RYR1: variants seen among roughly 807,000 people sequenced by gnomAD.
The protein encoded by RYR1 is ryanodine receptor 1, also known as central core disease of muscle.
RYR1 carries 342 observed loss-of-function variants against 583.5 expected under a neutral mutation model. That is an observed-to-expected ratio of 0.59 (90% CI 0.54 to 0.64). The LOEUF (loss-of-function observed/expected upper bound fraction) is 0.64. Among genes scored for constraint, RYR1 ranks in the 30% least tolerant of loss-of-function variants. RYR1 has a pLI of 0.00. For missense variants in RYR1, 6,032 were observed against 6,917.2 expected (o/e 0.87, Z 4.54); for synonymous variants, 2,791 against 2,822.5 (o/e 0.99, Z 0.35).
rs1970742860 is a variant in RYR1 at position 38,511,932 on chromosome 19, G to T, written c.9173-140G>T. On this transcript the variant is annotated intron_variant, in intron 61 of 105. Coordinates refer to ENST00000359596, the MANE Select transcript of RYR1 (RefSeq NM_000540.3). The stretch of plus-strand genomic sequence containing the variant: ...ACATTTGGAGGCGCTGTAGGAGTCT[G>T]GGGGGGTGGGGGTGCAGTAGCATTC... The T allele has an allele frequency of 8.0e-6, 8 of 1,004,490 alleles. No individual in the cohort carries two copies. The East Asian group carries it at 1.8e-4, about 23-fold the overall frequency. 62.2% of individuals were successfully genotyped at this position (1,004,490 alleles called of 1,614,324 possible).
At position 38,566,952 on chromosome 19, in the gene RYR1, C is replaced by T. The variant is rs768885593; in HGVS notation, c.13479C>T (p.Pro4493=). Residue 4493 remains proline, a synonymous_variant, in exon 92 of 106, where the codon CCC becomes CCT. Coordinates refer to ENST00000359596, the MANE Select transcript of RYR1 (RefSeq NM_000540.3). ...VEEELPPEPE[P]EPEPELEPEK... is the part of the protein sequence containing the mutation. ...AGGAGCTCCCGCCAGAGCCAGAGCCCGAGCCGGAACCAGAGCTGGAGCCGG... is the reference window on the plus strand; with the variant it reads ...AGGAGCTCCCGCCAGAGCCAGAGCCTGAGCCGGAACCAGAGCTGGAGCCGG... 9.3e-6 allele frequency: 15 copies of T among 1,605,628 alleles called. No individual in the cohort carries two copies. Among genetic ancestry groups the T allele is most frequent in the Middle Eastern group, 1.7e-4 (1 of 6,026 alleles).
At chr19:38,522,118 C>T (rs536112621) in intron 67 of RYR1, among the ~76,000 whole-genome samples, 8 of 152,098 alleles carry the variant, frequency 5.3e-5, no homozygotes, top group African/African-American at 1.9e-4. Context: ...TTCCAGGGAC[C>T]AGAAATGTCC....
In RYR1 at chr19:38,538,050, C is replaced by T. The variant is rs1485345136; in HGVS notation, c.11689+90C>T. The T allele has an allele frequency of 2.5e-5, 30 of 1,220,030 alleles. 1 individual carries two copies. The South Asian group carries it at 3.4e-4, about 14-fold the overall frequency. The allele number at this position is 1,220,030 out of a possible 1,614,324, so 75.6% of individuals were successfully genotyped here. A position where few individuals can be genotyped will look rare whatever the true frequency, so the allele number is the denominator to read the frequency against. ...TGAATTAGTTTCCGCCCCTCCTCCT[C>T]CCCCGGTCAATGATGGCCACTCTCC... On this transcript the variant is annotated intron_variant, in intron 84 of 105. Coordinates refer to ENST00000359596, the MANE Select transcript of RYR1 (RefSeq NM_000540.3).
chr19:38,508,879 G>A (rs1394947635), intron 58 of RYR1, among the ~76,000 whole-genome samples: 1 of 152,124 alleles, frequency 6.6e-6, no homozygotes, highest in Non-Finnish European at 1.5e-5. Context: ...GGTGTTCACA[G>A]GGTCCCTCTG....
intron 20 of RYR1, among the ~76,000 whole-genome samples, chr19:38,463,147 C>T (rs1338285865): frequency 3.2e-5 from 2 of 63,324 alleles, no homozygotes; most frequent in African/African-American, 5.9e-5. Context: ...ATCTGCCCCC[C>T]CCCCCCCCAC....
chr19:38,503,175 C>G (rs1970279634), intron 49 of RYR1, among the ~76,000 whole-genome samples: 1 of 152,284 alleles, frequency 6.6e-6, no homozygotes, highest in African/African-American at 2.4e-5. Context: ...ATTGATGCCT[C>G]TAGCGTTCCC....
intron 11 of RYR1, among the ~76,000 whole-genome samples, chr19:38,450,145 C>T (rs369033235): frequency 1.2e-4 from 18 of 152,252 alleles, no homozygotes; most frequent in South Asian, 8.3e-4. Context: ...GAACAGACTA[C>T]GGTCAGGGGA....
At chr19:38,443,901 A>G (rs1163564674) in intron 5 of RYR1, 105 bp downstream of exon 5, 1 of 1,081,718 alleles carries the variant, frequency 9.2e-7, no homozygotes, top group African/African-American at 1.6e-5. Flanking sequence ...TACCCTGGGG[A>G]CATGAATGGG....
Position 38,561,408 on chromosome 19 carries a change from A to G in RYR1, c.12578A>G (p.Tyr4193Cys). 5 of 1,612,638 alleles carry G rather than the reference A, an allele frequency of 3.1e-6. No homozygotes were observed. Among genetic ancestry groups the G allele is most frequent in the Non-Finnish European group, 4.2e-6 (5 of 1,179,960 alleles). ...MGASRRIERI[Y>C]FEISETNRAQ... The stretch of plus-strand genomic sequence containing the variant: ...GCGTCACGCCGCATCGAGCGCATCT[A>G]CTTCGAGATCTCAGAGACCAACCGC... The change falls in exon 90 of 106, where the codon TAC becomes TGC. Residue 4193 changes from tyrosine (Y) to cysteine (C), a missense_variant. Tyr to Cys is a radical substitution (Grantham distance 194). Around this residue, in one of 11 missense-constraint regions of RYR1, gnomAD observed 753 missense variants for 759.6 expected, o/e 0.99. Coordinates refer to ENST00000359596, the MANE Select transcript of RYR1 (RefSeq NM_000540.3). This position sits in a 1 kb window ranked among gnomAD's most constrained non-coding sequence, Gnocchi z 4.8.
chr19:38,522,568 G>A (rs985476829), intron 67 of RYR1, among the ~76,000 whole-genome samples: 5 of 151,772 alleles, frequency 3.3e-5, no homozygotes, highest in Non-Finnish European at 7.4e-5. Flanking sequence ...AGTGGAGATC[G>A]CATCACTGTA....
intron 49 of RYR1, 145 bp downstream of exon 49, chr19:38,503,115 T>G: frequency 1.3e-6 from 1 of 783,594 alleles, no homozygotes; most frequent in Non-Finnish European, 2.2e-6. Context: ...TAGAAATCTC[T>G]TAGCATCCTT....
At chr19:38,566,310 A>G (rs1396514525) in intron 91 of RYR1, among the ~76,000 whole-genome samples, 1 of 151,620 alleles carries the variant, frequency 6.6e-6, no homozygotes, top group East Asian at 1.9e-4. Context: ...TTAGCCGGGC[A>G]TGGTGGTGTG....
In RYR1 at chr19:38,535,295, C is replaced by T. The variant is rs1971917327; in HGVS notation, c.11440-21C>T. On this transcript the variant is annotated intron_variant, in intron 80 of 105. Coordinates refer to ENST00000359596, the MANE Select transcript of RYR1 (RefSeq NM_000540.3). ...TCCTGTGTGACTCCCAGTTTCTCCT[C>T]CCCTGCCTCGCCCTCTGCAGAAAAT... 1.9e-6 allele frequency: 3 copies of T among 1,613,760 alleles called. No homozygotes were observed. In the East Asian group the frequency reaches 6.7e-5, roughly 36 times the overall value.
chr19:38,503,180 G>A (rs1568508221), intron 49 of RYR1, among the ~76,000 whole-genome samples: 1 of 152,084 alleles, frequency 6.6e-6, no homozygotes, highest in Non-Finnish European at 1.5e-5. Context: ...TGCCTCTAGC[G>A]TTCCCTAATT....
rs550107887 is a variant in RYR1, at chr19:38,473,163, C to T, written c.3766-214C>T. ...CCGGGGCTGCTAGTGTACACGACGCCCAGAGAAATGTTGCAGAGGGCTGCA... is the reference window on the plus strand; with the variant it reads ...CCGGGGCTGCTAGTGTACACGACGCTCAGAGAAATGTTGCAGAGGGCTGCA... On this transcript the variant is annotated intron_variant, in intron 27 of 105. Coordinates refer to ENST00000359596, the MANE Select transcript of RYR1 (RefSeq NM_000540.3). 1.5e-3 allele frequency among the ~76,000 whole-genome samples: 227 copies of T among 152,192 alleles called. 1 individual carries two copies. Among genetic ancestry groups the T allele is most frequent in the Non-Finnish European group, 1.8e-3 (122 of 68,006 alleles).
At chr19:38,544,870 G>A (rs888124720) in intron 87 of RYR1, among the ~76,000 whole-genome samples, 1 of 152,276 alleles carries the variant, frequency 6.6e-6, no homozygotes, top group South Asian at 2.1e-4. Flanking sequence ...GTGCAAAGTG[G>A]TGGCTTAAGA....
chr19:38,546,381 G>C, intron 87 of RYR1, 64 bp from the exon 88 acceptor site: 1 of 1,421,722 alleles, frequency 7.0e-7, no homozygotes, highest in Non-Finnish European at 9.9e-7. Context: ...TGAGGAGGGG[G>C]AGAAGCAACA....
chr19:38,486,020 G>T lies in RYR1; in HGVS notation c.5365G>T (p.Ala1789Ser), dbSNP rs779388788. ...PPCFVAALPA[A>S]GAAEAPARLS... ...CTGTTTCGTGGCCGCTCTGCCAGCT[G>T]CTGGGGCAGCAGAGGCCCCGGCCCG... Residue 1789 changes from alanine to serine, a missense_variant, in exon 34 of 106, where the codon GCT becomes TCT. Ala to Ser is a moderately conservative substitution (Grantham distance 99). This residue lies in a region of RYR1 where 2,627 missense variants were observed against 2,961.3 expected (regional missense o/e 0.89). Transcript: ENST00000359596. 1 of 1,613,252 alleles carries T rather than the reference G, an allele frequency of 6.2e-7. No homozygotes were observed. The highest frequency in any genetic ancestry group is 1.7e-5 in the Admixed American group (1 of 59,996).
Position 38,460,517 on chromosome 19 carries a change from G to C in RYR1, c.2503G>C (p.Gly835Arg), listed in dbSNP as rs763120698. ...IKEYRREGPR[G>R]PHLVGPSRCL... Reference sequence around the variant, plus strand: ...GGAGTATCGACGGGAGGGGCCCCGGGGGCCTCACCTGGTGGGCCCCAGTCG... The same window carrying C: ...GGAGTATCGACGGGAGGGGCCCCGGCGGCCTCACCTGGTGGGCCCCAGTCG... The change falls in exon 20 of 106, where the codon GGG (glycine) becomes CGG (arginine). Residue 835 changes from glycine (G) to arginine (R), a missense_variant. Transcript: ENST00000359596. 6.2e-7 allele frequency: 1 copy of C among 1,614,160 alleles called. No homozygotes were observed. The highest frequency in any genetic ancestry group is 1.7e-5 in the Admixed American group (1 of 60,030).
Sources: allele counts gnomAD v4.1 joint callset (sites outside exome capture counted in the v4.1 genomes callset), GRCh38; gene constraint gnomAD v4.1.1; regional missense constraint gnomAD v4.1.1; non-coding constraint Gnocchi (gnomAD v3.1); transcripts MANE v1.5; gene names NCBI Gene and HGNC (gene_info 2026-07-23, HGNC 2026-07-21).